The following FOXP1 variants were observed in gnomAD, a reference collection of about 807,000 sequenced individuals.
The protein encoded by FOXP1 is forkhead box P1, also known as forkhead box protein P1.
In FOXP1, 15 loss-of-function variants were observed where a neutral mutation model predicts 98.2. The ratio of observed to expected loss-of-function variants is 0.15; its 90% CI spans 0.10 to 0.24. The LOEUF is 0.24. FOXP1 is among the 10% of genes least tolerant of loss of function. The pLI is 1.00. For missense variants in FOXP1, 633 were observed against 848.5 expected, an observed-to-expected ratio of 0.75 and a Z score of 3.15; for synonymous variants, 371 against 314.5, an observed-to-expected ratio of 1.18 and a Z score of -1.90.
At chr3:71,316,625 T>C (rs2075090577) in intron 4 of FOXP1, among the ~76,000 whole-genome samples, 1 of 151,436 alleles carries the variant, frequency 6.6e-6, no homozygotes, top group Non-Finnish European at 1.5e-5. Context: ...CCTGTACAAA[T>C]GAGGCAAGTC....
chr3:71,073,231 G>A (rs1027065811), intron 7 of FOXP1, among the ~76,000 whole-genome samples: 1 of 152,178 alleles, frequency 6.6e-6, no homozygotes, highest in African/African-American at 2.4e-5. Context: ...TGAAATCAGG[G>A]CGCGCTGTGG....
intron 4 of FOXP1, among the ~76,000 whole-genome samples, chr3:71,326,588 T>C (rs1473942461): frequency 6.6e-6 from 1 of 152,108 alleles, no homozygotes. Flanking sequence ...AAGGGAGAGT[T>C]TGGAGCTAGG....
At chr3:71,148,499 A>AT (rs1576035619) in intron 6 of FOXP1, among the ~76,000 whole-genome samples, 2 of 152,180 alleles carry the variant, frequency 1.3e-5, no homozygotes, top group African/African-American at 4.8e-5. Context: ...TTTTTATTAC[A>AT]TTTTTTCTCA....
chr3:71,198,166 A>ACCACCT (rs2063411767), intron 6 of FOXP1, 36 bp downstream of exon 6: 1 of 1,613,776 alleles, frequency 6.2e-7, no homozygotes, highest in Non-Finnish European at 8.5e-7. Flanking sequence ...ATTCGCACCC[A>ACCACCT]CCACCTCCAC....
intron 6 of FOXP1, among the ~76,000 whole-genome samples, chr3:71,151,537 C>T (rs898774404): frequency 2.0e-5 from 3 of 151,820 alleles, no homozygotes; most frequent in African/African-American, 4.8e-5. Flanking sequence ...GGAAGAAACA[C>T]GAAGGAACAT....
intron 3 of FOXP1, among the ~76,000 whole-genome samples, chr3:71,397,010 A>G (rs1432999976): frequency 0.025 from 477 of 18,866 alleles, 50 homozygotes; most frequent in Middle Eastern, 0.056. Flanking sequence ...ATATATGTGT[A>G]TATATATATA....
chr3:70,977,572 A>C, intron 16 of FOXP1, 71 bp downstream of exon 16: 1 of 1,313,716 alleles, frequency 7.6e-7, no homozygotes, highest in Non-Finnish European at 1.1e-6. Context: ...TTTTAAATCT[A>C]CTTCATCAAT....
chr3:71,370,305 A>G (rs2079205436), intron 3 of FOXP1, among the ~76,000 whole-genome samples: 1 of 152,212 alleles, frequency 6.6e-6, no homozygotes, highest in Admixed American at 6.5e-5. Flanking sequence ...ACTTAAGACA[A>G]AAACACTTGT....
At chr3:70,979,707 C>A (rs1321894205) in intron 14 of FOXP1, among the ~76,000 whole-genome samples, 21 of 147,832 alleles carry the variant, frequency 1.4e-4, no homozygotes, top group Admixed American at 1.4e-3. Context: ...CCTCTGAGAT[C>A]ATAATCAAAG....
At chr3:71,184,174 A>T (rs557795447) in intron 6 of FOXP1, among the ~76,000 whole-genome samples, 2 of 152,114 alleles carry the variant, frequency 1.3e-5, no homozygotes, top group Non-Finnish European at 2.9e-5. Flanking sequence ...CAAACAAAAA[A>T]GCCCTTCAGA....
At chr3:70,976,390 A>G (rs910532494) in intron 17 of FOXP1, among the ~76,000 whole-genome samples, 4 of 152,202 alleles carry the variant, frequency 2.6e-5, no homozygotes, top group Non-Finnish European at 4.4e-5. Flanking sequence ...AAAGAAAAAC[A>G]AAAACCCCTG....
At chr3:71,374,600 A>T (rs28539825) in intron 3 of FOXP1, among the ~76,000 whole-genome samples, 5 of 141,496 alleles carry the variant, frequency 3.5e-5, no homozygotes, top group South Asian at 2.2e-4. Flanking sequence ...GTCTCAAAAA[A>T]AAAAATAAAA....
At position 71,130,691 on chromosome 3, in the gene FOXP1, T is replaced by C. The variant is rs58847217; in HGVS notation, c.181-18054A>G. The C allele has an allele frequency of 4.2e-3, 6,611 of 1,570,096 alleles. 247 individuals carry two copies. The African/African-American group carries it at 0.078, about 19-fold the overall frequency. Reference sequence around the variant, plus strand: ...GAAAACACACTGGAACATTGCCCTTTGTAGGCAACCTCAGGGAGGTTTGCC... The same window carrying C: ...GAAAACACACTGGAACATTGCCCTTCGTAGGCAACCTCAGGGAGGTTTGCC... On this transcript the variant is annotated intron_variant, in intron 6 of 20. Transcript: ENST00000649528.
intron 4 of FOXP1, among the ~76,000 whole-genome samples, chr3:71,330,681 A>C (rs535326865): frequency 6.6e-6 from 1 of 152,372 alleles, no homozygotes; most frequent in East Asian, 1.9e-4. Context: ...ATTATGTTAC[A>C]TTCATGCAGT....
In FOXP1 at chr3:70,955,627, T is replaced by TA. The variant is rs2031585651; in HGVS notation, c.*3619dup. On this transcript the variant is annotated 3_prime_UTR_variant, in exon 21 of 21. Coordinates refer to ENST00000649528, the MANE Select transcript of FOXP1 (RefSeq NM_001349338.3). The stretch of plus-strand genomic sequence containing the variant: ...TTTGACACTCCCCATTGTTAATCAC[T>TA]ACTTCACTGATAAACTTGGAAAAGT... 2 of 233,186 alleles carry TA rather than the reference T, an allele frequency of 8.6e-6. No homozygotes were observed. Among genetic ancestry groups the TA allele is most frequent in the Non-Finnish European group, 1.7e-5 (2 of 117,888 alleles). 14.4% of individuals were successfully genotyped at this position (233,186 alleles called of 1,614,324 possible).
intron 5 of FOXP1, among the ~76,000 whole-genome samples, chr3:71,251,116 T>G (rs1292135774): frequency 6.6e-6 from 1 of 152,232 alleles, no homozygotes; most frequent in Non-Finnish European, 1.5e-5. Flanking sequence ...TAGAACCAAG[T>G]GCACTCTTTA....
intron 5 of FOXP1, among the ~76,000 whole-genome samples, chr3:71,222,158 AC>A (rs1454307216): frequency 6.6e-6 from 1 of 151,988 alleles, no homozygotes; most frequent in African/African-American, 2.4e-5. Context: ...TATCAAAAAA[AC>A]AAACAAACAA....
At chr3:71,108,774 G>C (rs2057663174) in intron 7 of FOXP1, among the ~76,000 whole-genome samples, 1 of 151,998 alleles carries the variant, frequency 6.6e-6, no homozygotes, top group Non-Finnish European at 1.5e-5. Context: ...CAAAAAAAAA[G>C]AGCCTACTAT....
chr3:71,030,022 G>A (rs957908894), intron 11 of FOXP1, among the ~76,000 whole-genome samples: 2 of 152,060 alleles, frequency 1.3e-5, no homozygotes, highest in African/African-American at 4.8e-5. Flanking sequence ...GATCTAAGAC[G>A]AGGTAAGGGC....
Sources: gnomAD v4.1 joint callset for allele counts (sites outside exome capture counted in the v4.1 genomes callset) on GRCh38, gnomAD v4.1.1 for gene constraint, MANE v1.5 for transcripts, NCBI Gene and HGNC (gene_info 2026-07-23, HGNC 2026-07-21) for gene names.